TMC1: variants seen among roughly 807,000 people sequenced by gnomAD.
The protein encoded by TMC1 is transmembrane channel-like protein 1.
TMC1 carries 84 observed loss-of-function variants against 105.8 expected under a neutral mutation model. The ratio of observed to expected loss-of-function variants is 0.79; its 90% CI spans 0.67 to 0.95. The LOEUF (loss-of-function observed/expected upper bound fraction) is 0.95. Among genes scored for constraint, TMC1 ranks in the 40% least tolerant of loss-of-function variants. The pLI is 0.00. For synonymous variants in TMC1, 315 were observed against 311.5 expected, an observed-to-expected ratio of 1.01 and a Z score of -0.12; for missense variants, 817 against 914.1, an observed-to-expected ratio of 0.89 and a Z score of 1.37.
At chr9:72,801,670 A>G (rs2118226585) in intron 17 of TMC1, among the ~76,000 whole-genome samples, 2 of 152,312 alleles carry the variant, frequency 1.3e-5, no homozygotes, top group East Asian at 3.9e-4. Context: ...AACTAACATC[A>G]CGTGTGCAAA....
chr9:72,684,360 T>G (rs1366591384), intron 5 of TMC1, among the ~76,000 whole-genome samples: 1 of 152,156 alleles, frequency 6.6e-6, no homozygotes, highest in South Asian at 2.1e-4. Context: ...AGTGGTCAAT[T>G]TTCAGTCCAC....
chr9:72,760,188 G>T (rs887200764), intron 12 of TMC1, among the ~76,000 whole-genome samples: 4 of 151,814 alleles, frequency 2.6e-5, no homozygotes, highest in East Asian at 3.9e-4. Flanking sequence ...TCTATCTTTA[G>T]TTTTTAAAAT....
intron 2 of TMC1, chr9:72,578,397 G>C (rs928317947): frequency 1.3e-5 from 2 of 152,046 alleles, no homozygotes; most frequent in Admixed American, 1.3e-4. Flanking sequence ...CTGCACCAAT[G>C]ATGAAAGCCA....
At chr9:72,648,693 G>A in intron 5 of TMC1, 29 bp downstream of exon 5, 2 of 1,594,458 alleles carry the variant, frequency 1.3e-6, no homozygotes, top group South Asian at 1.1e-5. Flanking sequence ...CTGTCTGTAG[G>A]ACACTATGTC....
intron 4 of TMC1, among the ~76,000 whole-genome samples, chr9:72,642,038 C>T (rs1477908192): frequency 1.3e-5 from 2 of 151,682 alleles, no homozygotes; most frequent in African/African-American, 4.8e-5. Flanking sequence ...AGGCTGGTTT[C>T]GAACTCCTGA....
intron 18 of TMC1, among the ~76,000 whole-genome samples, chr9:72,806,352 G>A (rs1828585167): frequency 7.0e-6 from 1 of 143,046 alleles, no homozygotes; most frequent in Non-Finnish European, 1.5e-5. Flanking sequence ...GTGGGGGGCT[G>A]ACCCCCCCAC....
At chr9:72,540,764 G>GCA (rs1204502383) in intron 1 of TMC1, among the ~76,000 whole-genome samples, 4 of 152,162 alleles carry the variant, frequency 2.6e-5, no homozygotes, top group Admixed American at 1.3e-4. Flanking sequence ...GTGGTTAAGA[G>GCA]CACAGGCCCC....
At chr9:72,691,703 A>G (rs183746941) in intron 6 of TMC1, among the ~76,000 whole-genome samples, 1 of 152,156 alleles carries the variant, frequency 6.6e-6, no homozygotes, top group Non-Finnish European at 1.5e-5. Flanking sequence ...AGTAGTCCCC[A>G]GGCATCAACA....
chr9:72,530,370 T>C lies in TMC1; in HGVS notation c.-428+8457T>C, dbSNP rs549597744. On this transcript the variant is annotated intron_variant, in intron 1 of 23. Coordinates refer to ENST00000297784, the MANE Select transcript of TMC1 (RefSeq NM_138691.3). The stretch of plus-strand genomic sequence containing the variant: ...TTTTTATTTTTAGTAGAGATGGGAT[T>C]TTATCATGTTGCCCAGGCTGGTCTC... 6.8e-4 allele frequency among the ~76,000 whole-genome samples: 104 copies of C among 152,146 alleles called. 1 individual carries two copies. In the Middle Eastern group the frequency reaches 0.034, roughly 50 times the overall value.
intron 1 of TMC1, among the ~76,000 whole-genome samples, chr9:72,542,597 G>T (rs114173194): frequency 3.3e-5 from 5 of 151,902 alleles, no homozygotes; most frequent in African/African-American, 7.3e-5. Flanking sequence ...TCCAGCCTAG[G>T]GGGGAGAAAA....
chr9:72,592,403 T>C (rs1296033471), intron 2 of TMC1, among the ~76,000 whole-genome samples: 1 of 152,200 alleles, frequency 6.6e-6, no homozygotes, highest in Non-Finnish European at 1.5e-5. Context: ...TCTTTTCTTT[T>C]ACTCTTATCA....
At chr9:72,764,183 A>C (rs1317449976) in intron 12 of TMC1, among the ~76,000 whole-genome samples, 2 of 152,150 alleles carry the variant, frequency 1.3e-5, no homozygotes, top group Non-Finnish European at 2.9e-5. Flanking sequence ...TATTCTTTAC[A>C]TTTTAAATTA....
chr9:72,601,908 T>C (rs568164645), intron 2 of TMC1, among the ~76,000 whole-genome samples: 1 of 152,198 alleles, frequency 6.6e-6, no homozygotes, highest in Non-Finnish European at 1.5e-5. Flanking sequence ...TTTTGGATTT[T>C]GAAATATTGG....
chr9:72,655,608 G>C (rs929016323), intron 5 of TMC1, among the ~76,000 whole-genome samples: 3 of 152,074 alleles, frequency 2.0e-5, no homozygotes, highest in Non-Finnish European at 4.4e-5. Context: ...CAGGCATGGT[G>C]GTGGGCGCCT....
intron 1 of TMC1, among the ~76,000 whole-genome samples, chr9:72,535,506 C>T (rs1028627410): frequency 1.3e-5 from 2 of 152,154 alleles, no homozygotes; most frequent in Non-Finnish European, 2.9e-5. Context: ...ATTTTGTTGC[C>T]TCACTTCCTC....
chr9:72,823,803 ATTT>A (rs1414359467), intron 20 of TMC1, among the ~76,000 whole-genome samples: 2 of 152,102 alleles, frequency 1.3e-5, no homozygotes, highest in African/African-American at 4.8e-5. Flanking sequence ...TGACAATTTT[ATTT>A]TTCATATATT....
At chr9:72,738,349 A>T (rs1159531369) in intron 8 of TMC1, among the ~76,000 whole-genome samples, 1 of 152,074 alleles carries the variant, frequency 6.6e-6, no homozygotes, top group Non-Finnish European at 1.5e-5. Context: ...GTCACTGTGT[A>T]TTGCAAAATT....
chr9:72,597,935 C>G (rs542890663), intron 2 of TMC1, among the ~76,000 whole-genome samples: 1 of 152,220 alleles, frequency 6.6e-6, no homozygotes, highest in South Asian at 2.1e-4. Context: ...CCATGCTGAA[C>G]CAAATGCCAC....
chr9:72,787,587 C>G (rs1828189876), intron 13 of TMC1, among the ~76,000 whole-genome samples: 2 of 151,786 alleles, frequency 1.3e-5, no homozygotes, highest in South Asian at 4.1e-4. Flanking sequence ...ATATAGATCT[C>G]TAACCACTAA....
Sources: allele counts gnomAD v4.1 joint callset (sites outside exome capture counted in the v4.1 genomes callset), GRCh38; gene constraint gnomAD v4.1.1; transcripts MANE v1.5; gene names NCBI Gene and HGNC (gene_info 2026-07-23, HGNC 2026-07-21).